The following RUNX1 variants were observed in gnomAD, a reference collection of about 807,000 sequenced individuals.
The protein encoded by RUNX1 is runt-related transcription factor 1.
Under a neutral mutation model 42.8 loss-of-function variants are expected in RUNX1, and 19 were observed. The observed-to-expected ratio is 0.44, with a 90% CI of 0.31 to 0.65. The LOEUF is 0.65. RUNX1 is among the 30% of genes least tolerant of loss of function. The pLI, the probability that RUNX1 is intolerant of heterozygous loss-of-function variation, is 0.07. For missense variants in RUNX1, 528 were observed against 672.0 expected, an observed-to-expected ratio of 0.79 and a Z score of 2.37; for synonymous variants, 271 against 289.4, an observed-to-expected ratio of 0.94 and a Z score of 0.64.
chr21:34,971,255 C>T (rs2834707), intron 2 of RUNX1, among the ~76,000 whole-genome samples: 54,074 of 151,908 alleles, frequency 0.36, 9,830 homozygotes, highest in East Asian at 0.47. Flanking sequence ...ACAGTAGCTG[C>T]CAATGAAGAC....
At chr21:34,981,425 C>A (rs1461303795) in intron 2 of RUNX1, among the ~76,000 whole-genome samples, 1 of 152,146 alleles carries the variant, frequency 6.6e-6, no homozygotes, top group Non-Finnish European at 1.5e-5. Context: ...AAACAAGAAA[C>A]ATTGAGCAAA....
chr21:34,921,667 C>T (rs750032854), intron 2 of RUNX1, among the ~76,000 whole-genome samples: 6 of 151,930 alleles, frequency 3.9e-5, no homozygotes, highest in Non-Finnish European at 8.8e-5. Context: ...GTGTCTCTCT[C>T]TGTTGCTCAG....
At chr21:34,840,561 ACTT>A (rs1177093343) in intron 6 of RUNX1, among the ~76,000 whole-genome samples, 1 of 152,150 alleles carries the variant, frequency 6.6e-6, no homozygotes, top group Non-Finnish European at 1.5e-5. Flanking sequence ...TTCTTGAACA[ACTT>A]CTAATGAGGT....
At chr21:34,842,788 G>C (rs2146123936) in intron 6 of RUNX1, among the ~76,000 whole-genome samples, 1 of 152,176 alleles carries the variant, frequency 6.6e-6, no homozygotes, top group East Asian at 1.9e-4. Context: ...TACAGATGCA[G>C]CTGGGCGCGG....
At chr21:34,980,038 G>T (rs2058835481) in intron 2 of RUNX1, among the ~76,000 whole-genome samples, 1 of 152,206 alleles carries the variant, frequency 6.6e-6, no homozygotes, top group Admixed American at 6.5e-5. Context: ...CCTGCAGGTT[G>T]GTGGAAGGAT....
intron 2 of RUNX1, among the ~76,000 whole-genome samples, chr21:34,895,594 C>T (rs1200614056): frequency 2.6e-5 from 4 of 151,694 alleles, no homozygotes; most frequent in Non-Finnish European, 5.9e-5. Context: ...AGGGAGGTGA[C>T]GGTGGGGTGG....
At chr21:35,030,788 C>A (rs776376720) in intron 2 of RUNX1, among the ~76,000 whole-genome samples, 72 of 152,066 alleles carry the variant, frequency 4.7e-4, no homozygotes, top group Non-Finnish European at 8.4e-4. Flanking sequence ...AAAGACAAAA[C>A]CTACAGAAAG....
At chr21:34,946,965 A>C (rs922332606) in intron 2 of RUNX1, among the ~76,000 whole-genome samples, 1 of 152,012 alleles carries the variant, frequency 6.6e-6, no homozygotes, top group Non-Finnish European at 1.5e-5. Context: ...ACTTCTCCTC[A>C]CCTTAGTTAA....
At chr21:35,027,744 C>T (rs1338942973) in intron 2 of RUNX1, among the ~76,000 whole-genome samples, 1 of 152,168 alleles carries the variant, frequency 6.6e-6, no homozygotes, top group Non-Finnish European at 1.5e-5. Flanking sequence ...ACACAAACCC[C>T]AGCCCAACCA....
At chr21:34,831,203 T>C (rs2057058625) in intron 7 of RUNX1, among the ~76,000 whole-genome samples, 1 of 151,594 alleles carries the variant, frequency 6.6e-6, no homozygotes, top group Non-Finnish European at 1.5e-5. Flanking sequence ...GGTCTACTCA[T>C]GACAAAATGG....
In RUNX1 at chr21:34,964,986, A is replaced by G. The variant is rs187706940; in HGVS notation, c.59-72023T>C. Among the ~76,000 whole-genome samples, 2 of 150,022 alleles carry G rather than the reference A, an allele frequency of 1.3e-5. 1 individual carries two copies. Among genetic ancestry groups the G allele is most frequent in the African/African-American group, 5.0e-5 (2 of 39,870 alleles). ...CATTCACACACGCACCCTACCACAC[A>G]CAAGCACACTCACATACGTGCACAC... is the stretch of plus-strand genomic sequence containing the variant. On this transcript the variant is annotated intron_variant, in intron 2 of 8. Transcript: ENST00000675419.
Position 34,914,549 on chromosome 21 carries a change from AC to A in RUNX1, c.59-21587del, listed in dbSNP as rs200227197. ...TTCTTCCCCACTTCTGGGAGCTATC[AC>A]TCTGGCCTTTCTCCCCTTCATATGG... On this transcript the variant is annotated intron_variant, in intron 2 of 8. Coordinates refer to ENST00000675419, the MANE Select transcript of RUNX1 (RefSeq NM_001754.5). Among the ~76,000 whole-genome samples the A allele has an allele frequency of 7.6e-3, 1,154 of 152,062 alleles. 5 individuals carry two copies. The highest frequency in any genetic ancestry group is 0.019 in the African/African-American group (808 of 41,474).
intron 2 of RUNX1, among the ~76,000 whole-genome samples, chr21:34,903,616 T>C (rs946065556): frequency 6.6e-6 from 1 of 152,204 alleles, no homozygotes; most frequent in Non-Finnish European, 1.5e-5. Flanking sequence ...TACAAGGTCT[T>C]GATCTGTGAA....
At position 34,868,474 on chromosome 21, in the gene RUNX1, G is replaced by A. The variant is rs142607107; in HGVS notation, c.509-8896C>T. On this transcript the variant is annotated intron_variant, in intron 5 of 8. Coordinates refer to ENST00000675419, the MANE Select transcript of RUNX1 (RefSeq NM_001754.5). ...GCCCTATCTCTCTGTAAGGCTCCCC[G>A]CCATCACTCCCCAACCACCGCCACT... Among the ~76,000 whole-genome samples the A allele has an allele frequency of 1.2e-4, 18 of 152,166 alleles. No homozygotes were observed. In the East Asian group the frequency reaches 3.3e-3, roughly 28 times the overall value.
At position 34,820,153 on chromosome 21, in the gene RUNX1, T is replaced by C. The variant is rs372337793; in HGVS notation, c.805+14257A>G. 1.5e-3 allele frequency among the ~76,000 whole-genome samples: 231 copies of C among 152,336 alleles called. 1 individual carries two copies. Among genetic ancestry groups the C allele is most frequent in the African/African-American group, 5.2e-3 (215 of 41,582 alleles). On this transcript the variant is annotated intron_variant, in intron 7 of 8. Transcript: ENST00000675419. ...TGACCTGTCGGTCTCCTGTAGCTGG[T>C]TGTCCCCAACAGGGAGCAGGGCTGG... is the stretch of plus-strand genomic sequence containing the variant.
At chr21:34,875,134 ACTGCGAAACTGC>A (rs2057795699) in intron 5 of RUNX1, among the ~76,000 whole-genome samples, 1 of 152,276 alleles carries the variant, frequency 6.6e-6, no homozygotes, top group South Asian at 2.1e-4. Flanking sequence ...GAAGGGATCA[ACTGCGAAACTGC>A]CTGTTGCAAG....
chr21:34,969,723 C>T (rs144001034), intron 2 of RUNX1, among the ~76,000 whole-genome samples: 3 of 149,824 alleles, frequency 2.0e-5, no homozygotes, highest in East Asian at 2.0e-4. Flanking sequence ...TGACTGCACT[C>T]GTGGGTGATG....
At chr21:34,977,594 T>G (rs539653247) in intron 2 of RUNX1, among the ~76,000 whole-genome samples, 32 of 152,258 alleles carry the variant, frequency 2.1e-4, no homozygotes, top group Non-Finnish European at 4.3e-4. Flanking sequence ...AAACATACTT[T>G]AAACTGTCAT....
intron 2 of RUNX1, among the ~76,000 whole-genome samples, chr21:34,913,894 T>C (rs1035475129): frequency 1.3e-5 from 2 of 152,196 alleles, no homozygotes; most frequent in African/African-American, 4.8e-5. Flanking sequence ...GCTTTTTACA[T>C]GGCGTGTTGT....
Sources: allele counts gnomAD v4.1 joint callset (sites outside exome capture counted in the v4.1 genomes callset), GRCh38; gene constraint gnomAD v4.1.1; transcripts MANE v1.5; gene names NCBI Gene and HGNC (gene_info 2026-07-23, HGNC 2026-07-21).